PTPRE: variants seen among roughly 807,000 people sequenced by gnomAD.
PTPRE encodes the protein protein tyrosine phosphatase receptor type E.
PTPRE carries 51 observed loss-of-function variants against 102.0 expected under a neutral mutation model. The observed-to-expected ratio is 0.50, with a 90% CI of 0.40 to 0.63. The LOEUF is 0.63. Among genes scored for constraint, PTPRE ranks in the 30% least tolerant of loss-of-function variants. The pLI is 0.00. For synonymous variants in PTPRE, 345 were observed against 348.2 expected (o/e 0.99, Z 0.10); for missense variants, 752 against 915.1 (o/e 0.82, Z 2.30).
At position 127,978,471 on chromosome 10, in the gene PTPRE, A is replaced by G. The variant is rs144937391; in HGVS notation, c.-30-3803A>G. On this transcript the variant is annotated intron_variant, in intron 1 of 20. Coordinates refer to ENST00000254667, the MANE Select transcript of PTPRE (RefSeq NM_006504.6). ...CAGAAAGACGGCTTGAGCCCAGGACATCAAGCCTACAGTGAGATATGATCG... is the reference window on the plus strand; with the variant it reads ...CAGAAAGACGGCTTGAGCCCAGGACGTCAAGCCTACAGTGAGATATGATCG... 4.9e-3 allele frequency among the ~76,000 whole-genome samples: 745 copies of G among 152,246 alleles called. 4 individuals carry two copies. Among genetic ancestry groups the G allele is most frequent in the Middle Eastern group, 0.014 (4 of 294 alleles).
intron 1 of PTPRE, among the ~76,000 whole-genome samples, chr10:127,975,385 T>G (rs190357486): frequency 6.6e-6 from 1 of 152,338 alleles, no homozygotes; most frequent in East Asian, 1.9e-4. Flanking sequence ...TGAATAATAA[T>G]TATTATTATT....
Position 128,016,320 on chromosome 10 carries a change from G to A in PTPRE, c.-7-24555G>A, listed in dbSNP as rs189775044. Among the ~76,000 whole-genome samples the A allele has an allele frequency of 1.4e-3, 210 of 152,238 alleles. 1 individual carries two copies. In the South Asian group the frequency reaches 0.014, roughly 10 times the overall value. ...ACATTTAGTCAGCGGGACCCAATTT[G>A]CAGCTTCTGTTACAGTAAATTTGTA... On this transcript the variant is annotated intron_variant, in intron 2 of 20. Coordinates refer to ENST00000254667, the MANE Select transcript of PTPRE (RefSeq NM_006504.6).
chr10:127,986,119 A>T (rs925147926), intron 2 of PTPRE, among the ~76,000 whole-genome samples: 1 of 152,206 alleles, frequency 6.6e-6, no homozygotes, highest in Non-Finnish European at 1.5e-5. Context: ...GACATCCAAA[A>T]AAATGAGTCA....
chr10:128,027,389 C>A (rs1846361552), intron 2 of PTPRE, among the ~76,000 whole-genome samples: 1 of 152,172 alleles, frequency 6.6e-6, no homozygotes, highest in Admixed American at 6.5e-5. Flanking sequence ...CAGAATTCAG[C>A]CCCTACTGAC....
At chr10:127,964,426 C>A (rs1045085383) in intron 1 of PTPRE, among the ~76,000 whole-genome samples, 2 of 152,208 alleles carry the variant, frequency 1.3e-5, no homozygotes, top group East Asian at 1.9e-4. Context: ...CCACCTTGGC[C>A]TCCCAAAGTG....
At chr10:128,011,271 T>A (rs373279255) in intron 2 of PTPRE, among the ~76,000 whole-genome samples, 1 of 152,214 alleles carries the variant, frequency 6.6e-6, no homozygotes, top group East Asian at 1.9e-4. Context: ...CAGATGAATC[T>A]TAGAATGCTA....
intron 2 of PTPRE, among the ~76,000 whole-genome samples, chr10:127,984,987 G>A (rs982635153): frequency 6.6e-6 from 1 of 152,216 alleles, no homozygotes; most frequent in African/African-American, 2.4e-5. Flanking sequence ...CGTGTACAGA[G>A]CTTCAGGATA....
At chr10:128,077,552 C>A (rs1851319363) in intron 18 of PTPRE, 65 bp from the exon 19 acceptor site, 2 of 1,533,806 alleles carry the variant, frequency 1.3e-6, no homozygotes, top group South Asian at 1.2e-5. Flanking sequence ...CCTGAGAGGG[C>A]AGATGGGGCT....
chr10:127,997,578 G>C lies in PTPRE; in HGVS notation c.-8+15282G>C, dbSNP rs114428286. 2.3e-3 allele frequency among the ~76,000 whole-genome samples: 343 copies of C among 152,286 alleles called. 2 individuals carry two copies. The highest frequency in any genetic ancestry group is 7.8e-3 in the African/African-American group (326 of 41,556). ...CAGAGTTCACAAATCGGAGACCTTA[G>C]GAATTAATATAAGTACATGTACATG... On this transcript the variant is annotated intron_variant, in intron 2 of 20. Transcript: ENST00000254667.
At chr10:127,970,690 T>C (rs1850661346) in intron 1 of PTPRE, among the ~76,000 whole-genome samples, 1 of 151,752 alleles carries the variant, frequency 6.6e-6, no homozygotes, top group Non-Finnish European at 1.5e-5. Context: ...CAGTTTGGAC[T>C]ATTCTTTTGT....
intron 1 of PTPRE, among the ~76,000 whole-genome samples, chr10:127,947,828 C>G (rs915512062): frequency 2.0e-5 from 3 of 152,166 alleles, no homozygotes; most frequent in Admixed American, 1.3e-4. Flanking sequence ...GTGTAATGGG[C>G]AAAGTTCAGA....
rs1463155887 is a variant in PTPRE, at chr10:127,978,141, C to A, written c.-30-4133C>A. Among the ~76,000 whole-genome samples the A allele has an allele frequency of 2.6e-5, 4 of 152,264 alleles. No individual in the cohort carries two copies. In the East Asian group the frequency reaches 5.8e-4, roughly 22 times the overall value. ...AATCCAGTATCATTATTGCCATCTG[C>A]AGAATGCCTTTCCTACACCATTCCT... On this transcript the variant is annotated intron_variant, in intron 1 of 20. Transcript: ENST00000254667.
intron 1 of PTPRE, among the ~76,000 whole-genome samples, chr10:127,918,325 G>A (rs1006776858): frequency 3.3e-5 from 5 of 152,064 alleles, no homozygotes; most frequent in Admixed American, 6.5e-5. Context: ...TTTGGAGGCC[G>A]AGGTGGCCAG....
In PTPRE at chr10:128,054,949, G is replaced by A. The variant is rs1164096479; in HGVS notation, c.421-1174G>A. On this transcript the variant is annotated intron_variant, in intron 6 of 20. Coordinates refer to ENST00000254667, the MANE Select transcript of PTPRE (RefSeq NM_006504.6). ...CCTGGTAGTCTGGGTGCCGCTCTAG[G>A]CTCCTGCCCCTTGCTTGCTGGGTGA... Among the ~76,000 whole-genome samples, 5 of 152,106 alleles carry A rather than the reference G, an allele frequency of 3.3e-5. No individual in the cohort carries two copies. The East Asian group carries it at 9.8e-4, about 30-fold the overall frequency.
chr10:127,982,089 T>C (rs1018965621), intron 1 of PTPRE, among the ~76,000 whole-genome samples, 185 bp from the exon 2 acceptor site: 1 of 152,068 alleles, frequency 6.6e-6, no homozygotes, highest in Non-Finnish European at 1.5e-5. Flanking sequence ...GGGTAGGACA[T>C]GGTTAAAAGC....
Position 128,068,267 on chromosome 10 carries a change from C to G in PTPRE, c.988C>G (p.Pro330Ala). Residue 330 changes from proline (P) to alanine (A), a missense_variant, in exon 12 of 21, where the codon CCC becomes GCC. Physicochemically the swap from Pro to Ala is conservative, Grantham distance 27 (BLOSUM62 -1). This residue lies in a region of PTPRE where 636 missense variants were observed against 824.4 expected (regional missense o/e 0.77). Coordinates refer to ENST00000254667, the MANE Select transcript of PTPRE (RefSeq NM_006504.6). ...VKTLNPVHAG[P>A]IVVHCSAGVG... ...GACGCTCAACCCCGTGCACGCTGGG[C>G]CCATCGTGGTCCACTGTAGGTACGC... 2.5e-6 allele frequency: 4 copies of G among 1,613,654 alleles called. No homozygotes were observed. The highest frequency in any genetic ancestry group is 3.4e-6 in the Non-Finnish European group (4 of 1,179,696).
intron 1 of PTPRE, among the ~76,000 whole-genome samples, chr10:127,948,605 A>G (rs1241757792): frequency 6.6e-6 from 1 of 152,278 alleles, no homozygotes; most frequent in African/African-American, 2.4e-5. Flanking sequence ...GGAATCATAT[A>G]ATATGTAGCT....
At chr10:128,073,681 G>A (rs371950348) in intron 17 of PTPRE, among the ~76,000 whole-genome samples, 36 of 152,302 alleles carry the variant, frequency 2.4e-4, no homozygotes, top group African/African-American at 3.6e-4. Flanking sequence ...ATAGCTACCC[G>A]CTGCCCTTTA....
chr10:127,925,784 G>A (rs1321428726), intron 1 of PTPRE, among the ~76,000 whole-genome samples: 4 of 152,108 alleles, frequency 2.6e-5, no homozygotes, highest in African/African-American at 9.7e-5. Context: ...ACTGCTTGGC[G>A]GAGGGAATGT....
Sources: gnomAD v4.1 joint callset for allele counts (sites outside exome capture counted in the v4.1 genomes callset) on GRCh38, gnomAD v4.1.1 for gene constraint, gnomAD v4.1.1 regional missense constraint, MANE v1.5 for transcripts, NCBI Gene and HGNC (gene_info 2026-07-23, HGNC 2026-07-21) for gene names.